DAB1: variants seen among roughly 807,000 people sequenced by gnomAD.
DAB1 encodes DAB adaptor protein 1, also known as disabled homolog 1.
Under a neutral mutation model 64.6 loss-of-function variants are expected in DAB1, and 15 were observed. The observed-to-expected ratio is 0.23, with a 90% CI of 0.16 to 0.36. DAB1 has a LOEUF of 0.36. Among genes scored for constraint, DAB1 ranks in the 10% least tolerant of loss-of-function variants. The pLI, the probability that DAB1 is intolerant of heterozygous loss-of-function variation, is 1.00. For missense variants in DAB1, 596 were observed against 706.7 expected (o/e 0.84, Z 1.78); for synonymous variants, 235 against 251.9 (o/e 0.93, Z 0.64).
At chr1:57,156,788 G>A (rs961284347) in intron 2 of DAB1, among the ~76,000 whole-genome samples, 2 of 152,106 alleles carry the variant, frequency 1.3e-5, no homozygotes, top group East Asian at 1.9e-4. Context: ...TCTCCTAACC[G>A]GGGGAATGGC....
rs750461093 is a variant in DAB1, at chr1:57,015,400, G to A, written c.927C>T (p.Ser309=). 3.1e-6 allele frequency: 5 copies of A among 1,613,450 alleles called. No homozygotes were observed. The highest frequency in any genetic ancestry group is 2.2e-5 in the East Asian group (1 of 44,842). ...GGACGAGGGGCTGCTGACCCCAGAA[G>A]GACGGGAGGACAGCGCCCATTGCAA... The part of the protein sequence containing the change: ...GYVAMGAVLP[S]FWGQQPLVQQ... Residue 309 remains serine, a synonymous_variant, in exon 12 of 15, where the codon TCC becomes TCT. Coordinates refer to ENST00000371236, the MANE Select transcript of DAB1 (RefSeq NM_001365792.1).
intron 14 of DAB1, among the ~76,000 whole-genome samples, chr1:57,006,960 C>G (rs952037123): frequency 1.6e-4 from 25 of 152,058 alleles, no homozygotes; most frequent in African/African-American, 5.8e-4. Context: ...AGACCTAAGG[C>G]CCCTGACTCT....
intron 1 of DAB1, among the ~76,000 whole-genome samples, chr1:57,836,529 A>G (rs1652816452): frequency 1.3e-5 from 2 of 152,212 alleles, no homozygotes; most frequent in Non-Finnish European, 2.9e-5. Flanking sequence ...AGATGAGGGA[A>G]GGAGAGATGG....
intron 3 of DAB1, among the ~76,000 whole-genome samples, chr1:58,501,968 T>C (rs1319662597): frequency 6.6e-6 from 1 of 151,970 alleles, no homozygotes; most frequent in African/African-American, 2.4e-5. Context: ...ATTATCTGTC[T>C]CCCTTTACTG....
chr1:57,857,324 A>C (rs1653798479), intron 1 of DAB1, among the ~76,000 whole-genome samples: 1 of 152,224 alleles, frequency 6.6e-6, no homozygotes, highest in Non-Finnish European at 1.5e-5. Context: ...AAAGGAAGTA[A>C]TCTCTGAATG....
At chr1:58,104,667 A>G (rs1391049652) in intron 5 of DAB1, among the ~76,000 whole-genome samples, 1 of 152,218 alleles carries the variant, frequency 6.6e-6, no homozygotes, top group African/African-American at 2.4e-5. Flanking sequence ...CTCTTAACAT[A>G]TTTAAATCCA....
chr1:58,131,743 GGGGGGTGCCTCCCAGTTAGGCTGCTC>G (rs1653598430), intron 5 of DAB1, among the ~76,000 whole-genome samples: 1 of 113,594 alleles, frequency 8.8e-6, no homozygotes, highest in Non-Finnish European at 1.9e-5. Flanking sequence ...TGCCCCTGCT[GGGGGGTGCCTCCCAGTTAGGCTGCTC>G]GGGGGTCAGG....
rs115310260 is a variant in DAB1 at position 58,163,216 on chromosome 1, G to A, written n.310-12628C>T. Among the ~76,000 whole-genome samples the A allele has an allele frequency of 2.9e-3, 448 of 152,270 alleles. 3 individuals are homozygous for A. The highest frequency in any genetic ancestry group is 0.01 in the African/African-American group (433 of 41,552). ...TGGACAAAGATAAAAATTTCATCAC[G>A]AAGTTAAGAACAAAAGGATAGCGTT... On this transcript the variant is annotated intron_variant and non_coding_transcript_variant, in intron 4 of 20. Transcript: ENST00000485760.
At chr1:57,321,439 G>A (rs1181344503) in intron 1 of DAB1, among the ~76,000 whole-genome samples, 2 of 152,052 alleles carry the variant, frequency 1.3e-5, no homozygotes, top group East Asian at 3.9e-4. Context: ...TCACCTCTTG[G>A]CAGAGGATGT....
In DAB1 at chr1:56,996,244, T is replaced by A. The variant is rs2101594163; in HGVS notation, c.*1900A>T. On this transcript the variant is annotated 3_prime_UTR_variant, in exon 15 of 15. Coordinates refer to ENST00000371236, the MANE Select transcript of DAB1 (RefSeq NM_001365792.1). ...TTCAAATCAATTGTCTCAATGGAAA[T>A]TCTACTTTTCAAATCTAAAAACCAA... 6.6e-6 allele frequency: 1 copy of A among 152,300 alleles called. No homozygotes were observed. The highest frequency in any genetic ancestry group is 1.9e-4 in the East Asian group (1 of 5,182). The allele number at this position is 152,300 out of a possible 1,614,324, so 9.4% of individuals were successfully genotyped here.
At chr1:58,170,887 G>T (rs1656132800) in intron 4 of DAB1, among the ~76,000 whole-genome samples, 1 of 152,018 alleles carries the variant, frequency 6.6e-6, no homozygotes, top group Non-Finnish European at 1.5e-5. Context: ...CTGAGCCCCG[G>T]ATATGTTTAA....
At position 57,258,235 on chromosome 1, in the gene DAB1, C is replaced by T. The variant is rs148477380; in HGVS notation, c.67+32729G>A. Reference sequence around the variant, plus strand: ...CAGTAGGGACGCAAGCATTAGTATGCCCATGTTACAGCAGAGGAAACTGGG... The same window carrying T: ...CAGTAGGGACGCAAGCATTAGTATGTCCATGTTACAGCAGAGGAAACTGGG... On this transcript the variant is annotated intron_variant, in intron 2 of 14. Transcript: ENST00000371236. Among the ~76,000 whole-genome samples, 3 of 152,262 alleles carry T rather than the reference C, an allele frequency of 2.0e-5. No individual in the cohort carries two copies. The East Asian group carries it at 5.8e-4, about 29-fold the overall frequency.
At chr1:58,018,956 G>A (rs1032054077) in intron 5 of DAB1, among the ~76,000 whole-genome samples, 3 of 152,170 alleles carry the variant, frequency 2.0e-5, no homozygotes, top group African/African-American at 7.2e-5. Flanking sequence ...CTCAGGAGAG[G>A]CAATGTGATA....
intron 7 of DAB1, among the ~76,000 whole-genome samples, chr1:57,491,345 G>A (rs1390795839): frequency 6.6e-6 from 1 of 152,006 alleles, no homozygotes; most frequent in Non-Finnish European, 1.5e-5. Context: ...GGAGAATGGC[G>A]TGAACCCGGG....
chr1:57,657,957 C>T (rs186871098), intron 6 of DAB1, among the ~76,000 whole-genome samples: 2 of 152,296 alleles, frequency 1.3e-5, no homozygotes, highest in Admixed American at 1.3e-4. Flanking sequence ...ACCAAGTCAT[C>T]CATCCATCCT....
chr1:58,509,975 T>A (rs1291055269), intron 2 of DAB1, among the ~76,000 whole-genome samples: 2 of 152,042 alleles, frequency 1.3e-5, no homozygotes, highest in African/African-American at 2.4e-5. Context: ...CTATAACTAA[T>A]GAGATTGAGT....
intron 4 of DAB1, among the ~76,000 whole-genome samples, chr1:58,260,589 G>C (rs946297632): frequency 6.6e-6 from 1 of 152,102 alleles, no homozygotes; most frequent in Non-Finnish European, 1.5e-5. Context: ...TCCAAGTCTG[G>C]CCACTCTCCA....
chr1:58,476,239 T>G (rs1645417621), intron 3 of DAB1, among the ~76,000 whole-genome samples: 1 of 152,178 alleles, frequency 6.6e-6, no homozygotes, highest in Non-Finnish European at 1.5e-5. Context: ...TTTTTTTTCT[T>G]TTGGCTGGAA....
At position 57,304,376 on chromosome 1, in the gene DAB1, T is replaced by A. The variant is rs576146859; in HGVS notation, c.-136-13210A>T. Among the ~76,000 whole-genome samples, 3 of 140,206 alleles carry A rather than the reference T, an allele frequency of 2.1e-5. No homozygotes were observed. The East Asian group carries it at 6.9e-4, about 32-fold the overall frequency. 92.0% of individuals were successfully genotyped at this position (140,206 alleles called of 152,430 possible). On this transcript the variant is annotated intron_variant, in intron 1 of 14. Coordinates refer to ENST00000371236, the MANE Select transcript of DAB1 (RefSeq NM_001365792.1). ...TCCCACCAGGCCCCACCTCCAGTAG[T>A]GGAGATTACAGTTCAACATGAGATT...
Sources: gnomAD v4.1 joint callset for allele counts (sites outside exome capture counted in the v4.1 genomes callset) on GRCh38, gnomAD v4.1.1 for gene constraint, MANE v1.5 for transcripts, NCBI Gene and HGNC (gene_info 2026-07-23, HGNC 2026-07-21) for gene names.